DISP1: variants seen among roughly 807,000 people sequenced by gnomAD.
The protein encoded by DISP1 is protein dispatched homolog 1.
In DISP1, 30 loss-of-function variants were observed where a neutral mutation model predicts 37.3. The observed-to-expected ratio is 0.80, with a 90% CI of 0.60 to 1.09. DISP1 has a LOEUF of 1.09. Ranked by LOEUF, DISP1 falls within the 50% of genes least tolerant of loss-of-function variation. The pLI is 0.00. For synonymous variants in DISP1, 634 were observed against 690.2 expected (o/e 0.92, Z 1.28); for missense variants, 1,598 against 1,879.5 (o/e 0.85, Z 2.77).
intron 1 of DISP1, among the ~76,000 whole-genome samples, chr1:222,819,859 T>A (rs1292088758): frequency 6.6e-6 from 1 of 150,820 alleles, no homozygotes; most frequent in African/African-American, 2.5e-5. Context: ...GTATATATAT[T>A]TTTAATTTAA....
chr1:222,827,334 A>G (rs1241396629), intron 1 of DISP1: 2 of 152,226 alleles, frequency 1.3e-5, no homozygotes, highest in African/African-American at 4.8e-5. Flanking sequence ...CTCAGAATTT[A>G]AAATTGGCCT....
At position 222,849,220 on chromosome 1, in the gene DISP1, G is replaced by A. The variant is rs79432492; in HGVS notation, c.-159+34142G>A. Reference sequence around the variant, plus strand: ...TAATGCATTTTTAATCCAAGCATCTGTTCTCTATTTGTTCCACACCTGTGA... The same window carrying A: ...TAATGCATTTTTAATCCAAGCATCTATTCTCTATTTGTTCCACACCTGTGA... On this transcript the variant is annotated intron_variant, in intron 1 of 8. Transcript: ENST00000675850. Among the ~76,000 whole-genome samples the A allele has an allele frequency of 5.4e-3, 815 of 152,216 alleles. 13 individuals carry two copies. Among genetic ancestry groups the A allele is most frequent in the African/African-American group, 0.018 (758 of 41,532 alleles).
chr1:222,874,776 G>A (rs1347276906), intron 1 of DISP1, among the ~76,000 whole-genome samples: 2 of 152,024 alleles, frequency 1.3e-5, no homozygotes, highest in Non-Finnish European at 1.5e-5. Flanking sequence ...GTCATTCTCC[G>A]TCCAGCTTTG....
intron 3 of DISP1, among the ~76,000 whole-genome samples, chr1:222,948,245 A>G (rs760482514): frequency 6.6e-6 from 1 of 152,184 alleles, no homozygotes; most frequent in Non-Finnish European, 1.5e-5. Flanking sequence ...ACTGAGGGCA[A>G]TACTGGTGGG....
chr1:222,906,614 A>C (rs981423077), intron 1 of DISP1, among the ~76,000 whole-genome samples: 2 of 152,140 alleles, frequency 1.3e-5, no homozygotes, highest in Admixed American at 1.3e-4. Flanking sequence ...TCACTGCTAC[A>C]CTCCCACCAG....
intron 1 of DISP1, among the ~76,000 whole-genome samples, chr1:222,818,276 A>G (rs1054453427): frequency 2.0e-5 from 3 of 152,210 alleles, no homozygotes; most frequent in African/African-American, 7.2e-5. Context: ...GTGATAATAC[A>G]GCAGAAAGAC....
intron 3 of DISP1, among the ~76,000 whole-genome samples, chr1:222,952,462 T>G (rs887974678): frequency 6.6e-6 from 1 of 152,272 alleles, no homozygotes; most frequent in South Asian, 2.1e-4. Flanking sequence ...TGAATACTTT[T>G]TTGTTGTTGT....
At chr1:222,839,505 G>C (rs983570756) in intron 1 of DISP1, among the ~76,000 whole-genome samples, 1 of 152,166 alleles carries the variant, frequency 6.6e-6, no homozygotes, top group Non-Finnish European at 1.5e-5. Context: ...GTTGCTACTA[G>C]TTTCTGACAG....
intron 1 of DISP1, among the ~76,000 whole-genome samples, chr1:222,915,639 TC>T (rs1394004827): frequency 6.6e-6 from 1 of 152,242 alleles, no homozygotes; most frequent in Non-Finnish European, 1.5e-5. Context: ...TTTTCATTTT[TC>T]CAGCTCCTCA....
chr1:222,992,110 A>C lies in DISP1; in HGVS notation c.889A>C (p.Ser297Arg), dbSNP rs1170292930. ...GGACAGCTTTTTCTGCGACGTTCCA[A>C]GTGAGTGACATTGTAGATGAACAAA... ...HKDSFFCDVP[S>R]DRYSRVVFTS... The change falls in exon 7 of 9, where the codon AGT becomes CGT. Residue 297 changes from serine to arginine, a missense_variant and splice_region_variant. Transcript: ENST00000675850. The C allele has an allele frequency of 1.2e-6, 2 of 1,610,590 alleles. No individual in the cohort carries two copies. Among genetic ancestry groups the C allele is most frequent in the East Asian group, 4.5e-5 (2 of 44,852 alleles).
At chr1:222,828,158 T>A (rs888494222) in intron 1 of DISP1, among the ~76,000 whole-genome samples, 5 of 152,224 alleles carry the variant, frequency 3.3e-5, no homozygotes, top group African/African-American at 9.6e-5. Context: ...GACTTGTCTG[T>A]GGTTAGAAGA....
chr1:223,002,788 T>C lies in DISP1; in HGVS notation c.1391T>C (p.Met464Thr), dbSNP rs1300780896. 4 of 1,613,984 alleles carry C rather than the reference T, an allele frequency of 2.5e-6. No homozygotes were observed. Among genetic ancestry groups the C allele is most frequent in the Non-Finnish European group, 3.4e-6 (4 of 1,180,034 alleles). Residue 464 changes from methionine (M) to threonine (T), a missense_variant, in exon 9 of 9, where the codon ATG becomes ACG. Met to Thr is a moderately conservative substitution (Grantham distance 81). Transcript: ENST00000675850. ...LFSPTEKGES[M>T]MNIYLDNFEN... is the part of the protein sequence containing the mutation. ...TCTCCCACAGAGAAAGGGGAGAGCA[T>C]GATGAACATTTACTTGGACAACTTT...
intron 1 of DISP1, among the ~76,000 whole-genome samples, chr1:222,881,395 A>G (rs1189673218): frequency 1.3e-5 from 2 of 152,026 alleles, no homozygotes; most frequent in Non-Finnish European, 2.9e-5. Flanking sequence ...GAGTTTCTCC[A>G]TGTTGGTCAG....
At chr1:222,826,979 G>A (rs1664609276) in intron 1 of DISP1, among the ~76,000 whole-genome samples, 1 of 152,082 alleles carries the variant, frequency 6.6e-6, no homozygotes, top group Admixed American at 6.5e-5. Flanking sequence ...TAGAGTATGT[G>A]TATATATTGC....
intron 3 of DISP1, among the ~76,000 whole-genome samples, chr1:222,974,473 A>G (rs933208395): frequency 3.3e-5 from 5 of 152,222 alleles, no homozygotes; most frequent in African/African-American, 1.2e-4. Flanking sequence ...GAACATTTAT[A>G]AAGTACGTAG....
At chr1:222,964,772 T>G (rs1676343892) in intron 3 of DISP1, among the ~76,000 whole-genome samples, 1 of 152,230 alleles carries the variant, frequency 6.6e-6, no homozygotes, top group Non-Finnish European at 1.5e-5. Context: ...TTCAGTGGGC[T>G]TTTGAAAACG....
chr1:222,898,548 G>T (rs1405479267), intron 1 of DISP1, among the ~76,000 whole-genome samples: 4 of 146,840 alleles, frequency 2.7e-5, no homozygotes, highest in East Asian at 2.0e-4. Context: ...ATGTACCACT[G>T]TTTTTTTTTT....
chr1:222,907,674 G>A (rs530242377), intron 1 of DISP1, among the ~76,000 whole-genome samples: 9 of 152,162 alleles, frequency 5.9e-5, no homozygotes, highest in African/African-American at 1.9e-4. Flanking sequence ...GATTATGGCC[G>A]GGTGCAGTGG....
intron 1 of DISP1, among the ~76,000 whole-genome samples, chr1:222,902,569 A>ATGT (rs1414005157): frequency 1.3e-5 from 2 of 152,180 alleles, no homozygotes; most frequent in East Asian, 3.8e-4. Flanking sequence ...ACAAAGGGCT[A>ATGT]ATATCCAGAA....
Sources: allele counts gnomAD v4.1 joint callset (sites outside exome capture counted in the v4.1 genomes callset), GRCh38; gene constraint gnomAD v4.1.1; transcripts MANE v1.5; gene names NCBI Gene and HGNC (gene_info 2026-07-23, HGNC 2026-07-21).